CRHBP: variants seen among roughly 807,000 people sequenced by gnomAD.
The protein encoded by CRHBP is corticotropin releasing hormone binding protein.
CRHBP carries 19 observed loss-of-function variants against 34.9 expected under a neutral mutation model. The observed-to-expected ratio is 0.55, with a 90% CI of 0.38 to 0.80. The LOEUF is 0.80. Ranked by LOEUF, CRHBP falls within the 30% of genes least tolerant of loss-of-function variation. CRHBP has a pLI of 0.00. For synonymous variants in CRHBP, 154 were observed against 153.4 expected, an observed-to-expected ratio of 1.00 and a Z score of -0.03; for missense variants, 328 against 409.2, an observed-to-expected ratio of 0.80 and a Z score of 1.71.
At chr5:76,957,449 C>T (rs1306145237) in intron 4 of CRHBP, among the ~76,000 whole-genome samples, 1 of 152,156 alleles carries the variant, frequency 6.6e-6, no homozygotes, top group East Asian at 1.9e-4. Flanking sequence ...TGCAGTGGCA[C>T]GATCTTGGCT....
rs868372794 is a variant in CRHBP, at chr5:76,954,005, T to C, written c.176-24T>C. The C allele has an allele frequency of 1.3e-5, 21 of 1,597,622 alleles. No homozygotes were observed. The Middle Eastern group carries it at 6.7e-4, about 51-fold the overall frequency. The stretch of plus-strand genomic sequence containing the variant: ...TGCGGCGGCTGCAGCCCGGGACTTA[T>C]TGCCCCATGCCCTCCTCCCCCAGGG... On this transcript the variant is annotated intron_variant, in intron 2 of 6. Transcript: ENST00000274368.
intron 6 of CRHBP, among the ~76,000 whole-genome samples, chr5:76,967,477 C>T (rs2150709231): frequency 6.6e-6 from 1 of 152,022 alleles, no homozygotes; most frequent in South Asian, 2.1e-4. Flanking sequence ...TTTAAAAACA[C>T]CTTATAGAGA....
chr5:76,953,781 C>T, intron 2 of CRHBP, 87 bp downstream of exon 2: 5 of 1,394,692 alleles, frequency 3.6e-6, no homozygotes, highest in Non-Finnish European at 4.9e-6. Flanking sequence ...GCGGACATCT[C>T]GGGGAAGGGG....
chr5:76,979,974 G>A (rs796507351), intron 3 of CRHBP, among the ~76,000 whole-genome samples: 3 of 146,860 alleles, frequency 2.0e-5, no homozygotes, highest in African/African-American at 7.5e-5. Context: ...GGGGCCGGCC[G>A]GGCGCGGTGG....
intron 3 of CRHBP, among the ~76,000 whole-genome samples, chr5:76,978,241 T>C (rs1224483230): frequency 6.6e-6 from 1 of 152,192 alleles, no homozygotes; most frequent in Non-Finnish European, 1.5e-5. Context: ...ATTTTCAATG[T>C]AGACAAAAAA....
At position 76,968,739 on chromosome 5, in the gene CRHBP, G is replaced by A. The variant is rs75290964; in HGVS notation, c.823G>A (p.Val275Ile). ...TCCATCCATTATAGCCCAGATGAAA[G>A]TTGGCTGTGACAACACTGTGGTGCG... ...YPFHGPAQMKVGCDNTVVRMV... is the reference protein window; with the variant it reads ...YPFHGPAQMKIGCDNTVVRMV... Residue 275 changes from valine to isoleucine, a missense_variant, in exon 7 of 7, where the codon GTT becomes ATT. Val to Ile is a conservative substitution (Grantham distance 29). Coordinates refer to ENST00000274368, the MANE Select transcript of CRHBP (RefSeq NM_001882.4). 6.2e-7 allele frequency: 1 copy of A among 1,611,724 alleles called. No homozygotes were observed. Among genetic ancestry groups the A allele is most frequent in the Non-Finnish European group, 8.5e-7 (1 of 1,178,574 alleles).
intron 3 of CRHBP, among the ~76,000 whole-genome samples, chr5:76,979,964 G>A (rs1010421900): frequency 6.6e-6 from 1 of 152,022 alleles, no homozygotes; most frequent in Non-Finnish European, 1.5e-5. Context: ...AGAAAGCAGT[G>A]GGGCCGGCCG....
intron 3 of CRHBP, 86 bp downstream of exon 3, chr5:76,954,272 T>C: frequency 6.7e-7 from 1 of 1,493,662 alleles, no homozygotes; most frequent in Non-Finnish European, 9.0e-7. Flanking sequence ...AGCGTGGGGC[T>C]GCTGAGCGTA....
At chr5:76,973,626 G>C (rs1745979476), downstream of CRHBP, among the ~76,000 whole-genome samples, 1 of 152,144 alleles carries the variant, frequency 6.6e-6, no homozygotes, top group Non-Finnish European at 1.5e-5. Context: ...TGCAAAATAA[G>C]TCCATAATAA....
intron 3 of CRHBP, among the ~76,000 whole-genome samples, chr5:76,977,645 G>C (rs1746059523): frequency 6.6e-6 from 1 of 152,106 alleles, no homozygotes; most frequent in Admixed American, 6.6e-5. Flanking sequence ...CCTTTCTCTT[G>C]CCTCGGGCCT....
downstream of CRHBP, among the ~76,000 whole-genome samples, chr5:76,971,757 C>G (rs1044804691): frequency 6.6e-6 from 1 of 152,166 alleles, no homozygotes; most frequent in African/African-American, 2.4e-5. Context: ...TGGTCATGAG[C>G]AAATTGTCTC....
intron 3 of CRHBP, among the ~76,000 whole-genome samples, chr5:76,980,276 A>AG (rs1561270866): frequency 7.4e-6 from 1 of 134,958 alleles, no homozygotes; most frequent in Non-Finnish European, 1.6e-5. Context: ...AAAAAAAAAA[A>AG]AGAAAGCAGT....
intron 6 of CRHBP, among the ~76,000 whole-genome samples, chr5:76,967,769 A>G (rs1387084810): frequency 6.6e-6 from 1 of 150,482 alleles, no homozygotes. Flanking sequence ...TGTGATCTCG[A>G]CCCACCACAA....
chr5:76,975,803 C>CAAAAAAAAAAAA (rs1158363151), intron 2 of CRHBP, among the ~76,000 whole-genome samples: 14 of 35,224 alleles, frequency 4.0e-4, no homozygotes, highest in East Asian at 3.9e-3. Flanking sequence ...GACTCTGTCT[C>CAAAAAAAAAAAA]AAAAAAAAAA....
intron 6 of CRHBP, among the ~76,000 whole-genome samples, chr5:76,968,281 C>A (rs895620808): frequency 1.3e-5 from 2 of 150,688 alleles, no homozygotes; most frequent in Non-Finnish European, 2.9e-5. Flanking sequence ...CCCCTTGCAA[C>A]CCTAGATCGG....
Position 76,969,071 on chromosome 5 carries a change from G to A in CRHBP, c.*186G>A, listed in dbSNP as rs1745906275. ...AATTTTTGTACTTTGCTTCTTTTAT[G>A]TTTGTAATCTGTAAATGAACACATG... is the stretch of plus-strand genomic sequence containing the variant. On this transcript the variant is annotated 3_prime_UTR_variant, in exon 7 of 7. Coordinates refer to ENST00000274368, the MANE Select transcript of CRHBP (RefSeq NM_001882.4). 1 of 546,576 alleles carries A rather than the reference G, an allele frequency of 1.8e-6. No homozygotes were observed. The highest frequency in any genetic ancestry group is 3.0e-6 in the Non-Finnish European group (1 of 328,988). The allele number at this position is 546,576 out of a possible 1,614,324, so 33.9% of individuals were successfully genotyped here. A position where few individuals can be genotyped will look rare whatever the true frequency, so the allele number is the denominator to read the frequency against.
intron 3 of CRHBP, 56 bp from the exon 4 acceptor site, chr5:76,955,597 T>G (rs978690041): frequency 3.3e-6 from 5 of 1,532,666 alleles, no homozygotes; most frequent in Non-Finnish European, 4.5e-6. Context: ...TCAACTCATT[T>G]CAGACTTCAG....
At chr5:76,953,897 C>T (rs1214007171) in intron 2 of CRHBP, 132 bp from the exon 3 acceptor site, 100 of 1,257,756 alleles carry the variant, frequency 8.0e-5, no homozygotes, top group Non-Finnish European at 1.0e-4. Context: ...GAACCCAGCG[C>T]AGCCTAGGCT....
At chr5:76,975,829 T>C (rs1202367743) in intron 2 of CRHBP, among the ~76,000 whole-genome samples, 1 of 76,976 alleles carries the variant, frequency 1.3e-5, no homozygotes, top group African/African-American at 8.2e-5. Flanking sequence ...AAAAAAAATA[T>C]ATATATATAT....
Sources: gnomAD v4.1 joint callset for allele counts (sites outside exome capture counted in the v4.1 genomes callset) on GRCh38, gnomAD v4.1.1 for gene constraint, MANE v1.5 for transcripts, NCBI Gene and HGNC (gene_info 2026-07-23, HGNC 2026-07-21) for gene names.